SHMT1: variants seen among roughly 807,000 people sequenced by gnomAD.
SHMT1 encodes the protein serine hydroxymethyltransferase, cytosolic.
Under a neutral mutation model 49.0 loss-of-function variants are expected in SHMT1, and 45 were observed. That is an observed-to-expected ratio of 0.92 (90% CI 0.72 to 1.18). SHMT1 has a LOEUF of 1.18. SHMT1 is among the 50% of genes most tolerant of loss of function. The probability of loss-of-function intolerance (pLI) is 0.00; values close to 1 mark genes in which losing one functional copy is unlikely to be tolerated. For missense variants in SHMT1, 541 were observed against 612.4 expected, an observed-to-expected ratio of 0.88 and a Z score of 1.23; for synonymous variants, 232 against 246.6, an observed-to-expected ratio of 0.94 and a Z score of 0.55.
chr17:18,343,309 T>C (rs192012615), intron 5 of SHMT1, among the ~76,000 whole-genome samples: 56 of 151,990 alleles, frequency 3.7e-4, no homozygotes, highest in Middle Eastern at 3.4e-3. Context: ...TTATTAAACT[T>C]CTATAAACAT....
chr17:18,352,336 C>T (rs1158522558), intron 3 of SHMT1, among the ~76,000 whole-genome samples: 8 of 151,846 alleles, frequency 5.3e-5, no homozygotes, highest in South Asian at 2.1e-4. Flanking sequence ...TTAGTAGAGA[C>T]GGGGTTTCAC....
intron 1 of SHMT1, among the ~76,000 whole-genome samples, chr17:18,360,877 GA>G (rs1382945927): frequency 1.1e-4 from 17 of 151,932 alleles, no homozygotes; most frequent in Admixed American, 1.1e-3. Flanking sequence ...TCTAAAGAAA[GA>G]AAAAAAAGCG....
intron 5 of SHMT1, chr17:18,341,131 C>T: frequency 2.5e-6 from 1 of 394,524 alleles, no homozygotes. Flanking sequence ...AAAATGGTTA[C>T]CTTCAGGAAC....
intron 3 of SHMT1, among the ~76,000 whole-genome samples, chr17:18,352,367 C>CGATCTCCT (rs1985811255): frequency 6.6e-6 from 1 of 152,008 alleles, no homozygotes; most frequent in Admixed American, 6.6e-5. Flanking sequence ...AGGATGGTCT[C>CGATCTCCT]GATCTCCTGA....
At chr17:18,351,397 C>T (rs1013826566) in intron 3 of SHMT1, among the ~76,000 whole-genome samples, 11 of 151,966 alleles carry the variant, frequency 7.2e-5, no homozygotes, top group South Asian at 2.1e-4. Flanking sequence ...CCACCCAGCT[C>T]GGCCTCCTAA....
At chr17:18,344,527 T>TA (rs1267985642) in intron 5 of SHMT1, among the ~76,000 whole-genome samples, 1 of 51,256 alleles carries the variant, frequency 2.0e-5, no homozygotes, top group African/African-American at 8.1e-5. Flanking sequence ...AAAAAAGATT[T>TA]AAAAAAAATG....
chr17:18,361,799 AAG>A (rs1986806923), intron 1 of SHMT1, among the ~76,000 whole-genome samples: 2 of 152,072 alleles, frequency 1.3e-5, no homozygotes, highest in Non-Finnish European at 2.9e-5. Context: ...AAAAAAAAAA[AAG>A]AAAATTGGGA....
chr17:18,353,977 A>C (rs1185358082), intron 2 of SHMT1, among the ~76,000 whole-genome samples, 160 bp from the exon 3 acceptor site: 1 of 152,216 alleles, frequency 6.6e-6, no homozygotes, highest in African/African-American at 2.4e-5. Context: ...GCACTAATCA[A>C]TGAATTAACA....
chr17:18,350,051 G>C (rs761628340), intron 3 of SHMT1, among the ~76,000 whole-genome samples: 8 of 151,474 alleles, frequency 5.3e-5, no homozygotes, highest in Non-Finnish European at 8.8e-5. Context: ...AAAATAGGCC[G>C]GGCACGGTGG....
At chr17:18,347,141 G>A (rs79109824) in intron 5 of SHMT1, among the ~76,000 whole-genome samples, 4,857 of 152,312 alleles carry the variant, frequency 0.032, 218 homozygotes, top group African/African-American at 0.098. Flanking sequence ...ACCAGGCGAG[G>A]GCAGAGCTGC....
chr17:18,340,377 G>A lies in SHMT1; in HGVS notation c.602-122C>T. The A allele has an allele frequency of 9.4e-7, 1 of 1,064,880 alleles. No homozygotes were observed. Among genetic ancestry groups the A allele is most frequent in the Admixed American group, 2.0e-5 (1 of 51,076 alleles). 66.0% of individuals were successfully genotyped at this position (1,064,880 alleles called of 1,614,324 possible). A position where few individuals can be genotyped will look rare whatever the true frequency, so the allele number is the denominator to read the frequency against. ...AGAGATTTCTTCCCTTAAAGTCTCA[G>A]AGCAAAAATGGAGAATGCCCTCAAA... On this transcript the variant is annotated intron_variant, in intron 6 of 11. Coordinates refer to ENST00000316694, the MANE Select transcript of SHMT1 (RefSeq NM_004169.5). The surrounding 1 kb of genome is among the most constrained non-coding windows in gnomAD (Gnocchi z 4.5).
At chr17:18,341,073 A>G in intron 5 of SHMT1, 2 of 529,676 alleles carry the variant, frequency 3.8e-6, no homozygotes, top group Non-Finnish European at 6.8e-6. Flanking sequence ...GGAACCAAAA[A>G]GCACCTGCAG....
intron 4 of SHMT1, 74 bp from the exon 5 acceptor site, chr17:18,347,730 C>T: frequency 2.6e-6 from 4 of 1,564,622 alleles, no homozygotes; most frequent in Middle Eastern, 3.4e-4. Flanking sequence ...ACCTTGGCCA[C>T]TAAGCCTTCA....
At chr17:18,348,119 C>A in intron 4 of SHMT1, 1 of 576,236 alleles carries the variant, frequency 1.7e-6, no homozygotes, top group South Asian at 1.8e-5. Context: ...CGGGTTTCTC[C>A]ATGTTGGTCA....
At chr17:18,358,799 A>G (rs980492298) in intron 1 of SHMT1, among the ~76,000 whole-genome samples, 3 of 152,114 alleles carry the variant, frequency 2.0e-5, no homozygotes, top group Admixed American at 6.6e-5. Context: ...GCTATTCAGG[A>G]GGCTGAGGTG....
At chr17:18,354,376 G>T (rs928310018) in intron 2 of SHMT1, among the ~76,000 whole-genome samples, 12 of 152,114 alleles carry the variant, frequency 7.9e-5, no homozygotes, top group Non-Finnish European at 1.8e-4. Flanking sequence ...CCGAGATCAC[G>T]CCATTGCACT....
chr17:18,337,620 G>C (rs1202500230), intron 7 of SHMT1, among the ~76,000 whole-genome samples: 6 of 141,880 alleles, frequency 4.2e-5, no homozygotes, highest in Admixed American at 7.5e-5. Flanking sequence ...CTCTGATGCC[G>C]AGCCGAAGCT....
rs1007392118 is a variant in SHMT1 at position 18,337,297 on chromosome 17, G to A, written c.815-1622C>T. Among the ~76,000 whole-genome samples the A allele has an allele frequency of 2.6e-5, 4 of 152,174 alleles. No homozygotes were observed. The East Asian group carries it at 5.8e-4, about 22-fold the overall frequency. On this transcript the variant is annotated intron_variant, in intron 7 of 11. Coordinates refer to ENST00000316694, the MANE Select transcript of SHMT1 (RefSeq NM_004169.5). ...TACTTGCTCTGATAGGCTGGCTCCG[G>A]AGTCCCTCAGCACTGGGTGAAATAA...
chr17:18,334,142 A>C (rs1983541114), intron 8 of SHMT1, among the ~76,000 whole-genome samples: 1 of 152,088 alleles, frequency 6.6e-6, no homozygotes, highest in South Asian at 2.1e-4. Context: ...GTTTCACTGT[A>C]TGTTGGCCAG....
Sources: allele counts gnomAD v4.1 joint callset (sites outside exome capture counted in the v4.1 genomes callset), GRCh38; gene constraint gnomAD v4.1.1; non-coding constraint Gnocchi (gnomAD v3.1); transcripts MANE v1.5; gene names NCBI Gene and HGNC (gene_info 2026-07-23, HGNC 2026-07-21).